Variants in PIM3 observed in about 807,000 individuals in gnomAD.
PIM3 encodes Pim-3 proto-oncogene, serine/threonine kinase.
Under a neutral mutation model 27.5 loss-of-function variants are expected in PIM3, and 13 were observed. The observed-to-expected ratio is 0.47, with a 90% confidence interval of 0.31 to 0.75. The LOEUF (loss-of-function observed/expected upper bound fraction) is 0.75. Among genes scored for constraint, PIM3 ranks in the 30% least tolerant of loss-of-function variants. The pLI is 0.05. For synonymous variants in PIM3, 341 were observed against 221.1 expected, an observed-to-expected ratio of 1.54 and a Z score of -4.81; for missense variants, 482 against 476.9, an observed-to-expected ratio of 1.01 and a Z score of -0.10.
In PIM3 at chr22:49,962,737, A is replaced by G. The variant is rs769151818; in HGVS notation, c.665A>G (p.His222Arg). The change falls in exon 5 of 6, where the codon CAC becomes CGC. Residue 222 changes from histidine (H) to arginine (R), a missense_variant. Coordinates refer to ENST00000360612, the MANE Select transcript of PIM3 (RefSeq NM_001001852.4). ...PPEWIRYHRY[H>R]GRSATVWSLG... is the part of the protein sequence containing the mutation. ...GAGTGGATCCGCTACCACCGCTACC[A>G]CGGGCGCTCGGCCACCGTGTGGTCG... 1.9e-6 allele frequency: 3 copies of G among 1,612,692 alleles called. No individual in the cohort carries two copies. Among genetic ancestry groups the G allele is most frequent in the African/African-American group, 1.3e-5 (1 of 75,002 alleles).
chr22:49,962,940 A>G lies in PIM3; in HGVS notation c.794A>G (p.Glu265Gly), dbSNP rs1272323119. The G allele has an allele frequency of 6.2e-7, 1 of 1,604,022 alleles. No homozygotes were observed. The highest frequency in any genetic ancestry group is 1.1e-5 in the South Asian group (1 of 90,642). ...TCCCTGACCTCTCCGCTCCGCACAG[A>G]GTGCCAGCAGCTGATCCGGTGGTGC... ...RLLFRRRVSP[E>G]CQQLIRWCLS... The change falls in exon 6 of 6, where the codon GAG becomes GGG. Residue 265 changes from glutamate (E) to glycine (G), a missense_variant and splice_region_variant. Physicochemically the swap from Glu to Gly is moderately conservative, Grantham distance 98 (BLOSUM62 -2). Coordinates refer to ENST00000360612, the MANE Select transcript of PIM3 (RefSeq NM_001001852.4).
In PIM3 at chr22:49,962,869, C is replaced by T. The variant is rs749323042; in HGVS notation, c.793+4C>T. The T allele has an allele frequency of 3.1e-6, 5 of 1,605,384 alleles. No homozygotes were observed. In the South Asian group the frequency reaches 3.3e-5, roughly 11 times the overall value. ...TTCCGGAGGAGGGTCTCTCCAGGTG[C>T]GTGGTGGCTCGAGGCGGGGGTGGGG... On this transcript the variant is annotated splice_donor_region_variant and intron_variant, in intron 5 of 5. Coordinates refer to ENST00000360612, the MANE Select transcript of PIM3 (RefSeq NM_001001852.4).
chr22:49,960,995 C>T lies in PIM3; in HGVS notation c.48C>T (p.Gly16=), dbSNP rs2060902943. 1 of 1,393,490 alleles carries T rather than the reference C, an allele frequency of 7.2e-7. No homozygotes were observed. The highest frequency in any genetic ancestry group is 1.4e-5 in the South Asian group (1 of 69,164). The allele number at this position is 1,393,490 out of a possible 1,614,324, so 86.3% of individuals were successfully genotyped here. Reference sequence around the variant, plus strand: ...CCCTGGCGCACCTCTGCGGGCCCGGCGGCGTGGACCACCTCCCGGTGAAGA... The same window carrying T: ...CCCTGGCGCACCTCTGCGGGCCCGGTGGCGTGGACCACCTCCCGGTGAAGA... ...FGSLAHLCGP[G]GVDHLPVKIL... Residue 16 remains glycine, a synonymous_variant, in exon 1 of 6, where the codon GGC becomes GGT. Transcript: ENST00000360612.
chr22:49,961,883 A>T, intron 4 of PIM3, 72 bp downstream of exon 4: 1 of 1,575,854 alleles, frequency 6.3e-7, no homozygotes, highest in Non-Finnish European at 8.6e-7. Flanking sequence ...GGGGCGGCAC[A>T]TGGAGGGGCT....
At position 49,963,074 on chromosome 22, in the gene PIM3, A is replaced by C. The variant is rs760390785; in HGVS notation, c.928A>C (p.Thr310Pro). 2 of 1,611,094 alleles carry C rather than the reference A, an allele frequency of 1.2e-6. No homozygotes were observed. The highest frequency in any genetic ancestry group is 1.7e-5 in the Admixed American group (1 of 59,836). The change falls in exon 6 of 6, where the codon ACC (threonine) becomes CCC (proline). Residue 310 changes from threonine to proline, a missense_variant. Transcript: ENST00000360612. ...VPESCDLRLC[T>P]LDPDDVASTT... ...GGAGAGCTGTGACCTGCGGCTGTGC[A>C]CCCTCGACCCTGATGACGTGGCCAG...
rs2060917635 is a variant in PIM3, at chr22:49,963,063, T to C, written c.917T>C (p.Leu306Pro). The C allele has an allele frequency of 6.2e-7, 1 of 1,611,804 alleles. No homozygotes were observed. The highest frequency in any genetic ancestry group is 8.5e-7 in the Non-Finnish European group (1 of 1,179,634). The change falls in exon 6 of 6, where the codon CTG becomes CCG. Residue 306 changes from leucine to proline, a missense_variant. Physicochemically the swap from Leu to Pro is moderately conservative, Grantham distance 98. Transcript: ENST00000360612. ...GGGGGCGTCCCGGAGAGCTGTGACC[T>C]GCGGCTGTGCACCCTCGACCCTGAT... ...ADGGVPESCD[L>P]RLCTLDPDDV...
rs1440508575 is a variant in PIM3, at chr22:49,963,337, C to A, written c.*210C>A. On this transcript the variant is annotated 3_prime_UTR_variant, in exon 6 of 6. Coordinates refer to ENST00000360612, the MANE Select transcript of PIM3 (RefSeq NM_001001852.4). ...TCTGTCTGTCCAAAGACGCTCCGGT[C>A]GAGGTCCCGCCTGCCCTGGGTGGAT... The A allele has an allele frequency of 7.1e-6, 4 of 564,738 alleles. No homozygotes were observed. The highest frequency in any genetic ancestry group is 1.2e-5 in the Non-Finnish European group (4 of 332,184). 35.0% of individuals were successfully genotyped at this position (564,738 alleles called of 1,614,324 possible).
In PIM3 at chr22:49,961,285, G is replaced by C. The variant is rs1601869856; in HGVS notation, c.196-33G>C. ...GGGTTTCTCGCGCGCCTTGCGCCTCGCTTGGCCCGGCCTGACCCCCGCGTC... is the reference window on the plus strand; with the variant it reads ...GGGTTTCTCGCGCGCCTTGCGCCTCCCTTGGCCCGGCCTGACCCCCGCGTC... On this transcript the variant is annotated intron_variant, in intron 2 of 5. Transcript: ENST00000360612. The C allele has an allele frequency of 2.6e-6, 4 of 1,541,296 alleles. No individual in the cohort carries two copies. The African/African-American group carries it at 5.7e-5, about 22-fold the overall frequency.
chr22:49,962,630 G>C, intron 4 of PIM3, 59 bp from the exon 5 acceptor site: 2 of 1,534,456 alleles, frequency 1.3e-6, no homozygotes, highest in Non-Finnish European at 1.8e-6. Context: ...CAGGGACCTC[G>C]CCGTCTGTTG....
intron 2 of PIM3, 33 bp from the exon 3 acceptor site, chr22:49,961,285 G>A (rs1601869856): frequency 1.3e-6 from 2 of 1,541,290 alleles, no homozygotes; most frequent in South Asian, 1.2e-5. Context: ...CTTGCGCCTC[G>A]CTTGGCCCGG....
chr22:49,963,293 G>C lies in PIM3; in HGVS notation c.*166G>C, dbSNP rs1247116747. ...GTGCCTTTTGAACGCTGGTCCCGCG[G>C]GACTTGGTTTTCTCAAGCTCTGTCT... On this transcript the variant is annotated 3_prime_UTR_variant, in exon 6 of 6. Transcript: ENST00000360612. The C allele has an allele frequency of 1.3e-6, 1 of 760,286 alleles. No homozygotes were observed. Among genetic ancestry groups the C allele is most frequent in the Non-Finnish European group, 2.0e-6 (1 of 496,410 alleles). The allele number at this position is 760,286 out of a possible 1,614,324, so 47.1% of individuals were successfully genotyped here.
At position 49,960,921 on chromosome 22, in the gene PIM3, G is replaced by C; in HGVS notation, c.-27G>C. 2 of 1,259,942 alleles carry C rather than the reference G, an allele frequency of 1.6e-6. No homozygotes were observed. The highest frequency in any genetic ancestry group is 3.0e-4 in the Middle Eastern group (1 of 3,340). 78.0% of individuals were successfully genotyped at this position (1,259,942 alleles called of 1,614,324 possible). A position where few individuals can be genotyped will look rare whatever the true frequency, so the allele number is the denominator to read the frequency against. On this transcript the variant is annotated 5_prime_UTR_variant, in exon 1 of 6. Coordinates refer to ENST00000360612, the MANE Select transcript of PIM3 (RefSeq NM_001001852.4). ...GCCGCGGCTTCGGCGCCTGGGGCTC[G>C]GGGCTCCGGGGAGGCCGTCGCCCGC...
At chr22:49,961,891 G>A in intron 4 of PIM3, 80 bp downstream of exon 4, 26 of 1,561,920 alleles carry the variant, frequency 1.7e-5, no homozygotes, top group Non-Finnish European at 2.2e-5. Context: ...ACATGGAGGG[G>A]CTGATGACTG....
At position 49,963,822 on chromosome 22, in the gene PIM3, G is replaced by A. The variant is rs531176397; in HGVS notation, c.*695G>A. The A allele has an allele frequency of 1.2e-4, 19 of 152,496 alleles. No homozygotes were observed. The highest frequency in any genetic ancestry group is 4.6e-4 in the African/African-American group (19 of 41,552). The allele number at this position is 152,496 out of a possible 1,614,324, so 9.4% of individuals were successfully genotyped here. On this transcript the variant is annotated 3_prime_UTR_variant, in exon 6 of 6. Coordinates refer to ENST00000360612, the MANE Select transcript of PIM3 (RefSeq NM_001001852.4). Reference sequence around the variant, plus strand: ...ATAGTGGCTAACTTAAGGGGAGTGGGTGACCCTGACACTTCCAGGCACTGT... The same window carrying A: ...ATAGTGGCTAACTTAAGGGGAGTGGATGACCCTGACACTTCCAGGCACTGT...
chr22:49,961,310 C>T lies in PIM3; in HGVS notation c.196-8C>T, dbSNP rs948402783. On this transcript the variant is annotated splice_region_variant and splice_polypyrimidine_tract_variant and intron_variant, in intron 2 of 5. Transcript: ENST00000360612. ...GCTTGGCCCGGCCTGACCCCCGCGT[C>T]TCCGCAGGTGGCTGTGAAGCACGTG... The T allele has an allele frequency of 7.1e-6, 11 of 1,546,208 alleles. No individual in the cohort carries two copies. The highest frequency in any genetic ancestry group is 2.0e-5 in the Admixed American group (1 of 50,058).
In PIM3 at chr22:49,962,668, C is replaced by CTAAG. The variant is rs750457394; in HGVS notation, c.617-20_617-17dup. ...CGGCTCTGCCTCTGTGGTGGGCGTG[C>CTAAG]TAAGCCCTGTGTCCCCTTAGGCACC... On this transcript the variant is annotated intron_variant, in intron 4 of 5. Transcript: ENST00000360612. 8 of 1,599,912 alleles carry CTAAG rather than the reference C, an allele frequency of 5.0e-6. No individual in the cohort carries two copies. The Admixed American group carries it at 1.4e-4, about 27-fold the overall frequency.
rs1478830971 is a variant in PIM3 at position 49,961,735 on chromosome 22, G to A, written c.540G>A (p.Leu180=). The change falls in exon 4 of 6, where the codon CTG becomes CTA. Residue 180 remains leucine, a synonymous_variant. Transcript: ENST00000360612. ...DIKDENLLVD[L]RSGELKLIDF... ...AGGACGAAAATCTGCTTGTGGACCT[G>A]CGCTCCGGAGAGCTCAAGCTCATCG... is the stretch of plus-strand genomic sequence containing the variant. 3 of 1,611,238 alleles carry A rather than the reference G, an allele frequency of 1.9e-6. No individual in the cohort carries two copies. Among genetic ancestry groups the A allele is most frequent in the Non-Finnish European group, 2.5e-6 (3 of 1,179,336 alleles).
rs771106521 is a variant in PIM3, at chr22:49,961,372, A to G, written c.246+4A>G. ...GGTGACCGAGTGGGGCAGCCTGGTA[A>G]GTTGGGGCACGGGCGGCGGCGGCGG... On this transcript the variant is annotated splice_donor_region_variant and intron_variant, in intron 3 of 5. Coordinates refer to ENST00000360612, the MANE Select transcript of PIM3 (RefSeq NM_001001852.4). 1.3e-6 allele frequency: 2 copies of G among 1,505,440 alleles called. No individual in the cohort carries two copies. Among genetic ancestry groups the G allele is most frequent in the Admixed American group, 2.4e-5 (1 of 40,930 alleles). The allele number at this position is 1,505,440 out of a possible 1,614,324, so 93.3% of individuals were successfully genotyped here. A position where few individuals can be genotyped will look rare whatever the true frequency, so the allele number is the denominator to read the frequency against.
rs1209599814 is a variant in PIM3 at position 49,960,794 on chromosome 22, C to G, written c.-154C>G. 6.6e-6 allele frequency: 2 copies of G among 302,362 alleles called. No individual in the cohort carries two copies. Among genetic ancestry groups the G allele is most frequent in the Non-Finnish European group, 5.0e-6 (1 of 198,644 alleles). 18.7% of individuals were successfully genotyped at this position (302,362 alleles called of 1,614,324 possible). A position where few individuals can be genotyped will look rare whatever the true frequency, so the allele number is the denominator to read the frequency against. On this transcript the variant is annotated 5_prime_UTR_variant, in exon 1 of 6. Coordinates refer to ENST00000360612, the MANE Select transcript of PIM3 (RefSeq NM_001001852.4). Reference sequence around the variant, plus strand: ...GGCGGGTGAGGCGCTCCGCCTGCTGCGCGTCTACGCGGTCCCCGCGGGCCT... The same window carrying G: ...GGCGGGTGAGGCGCTCCGCCTGCTGGGCGTCTACGCGGTCCCCGCGGGCCT...
Sources: gnomAD v4.1 joint callset for allele counts on GRCh38, gnomAD v4.1.1 for gene constraint, MANE v1.5 for transcripts, NCBI Gene and HGNC (gene_info 2026-07-23, HGNC 2026-07-21) for gene names.